Variants in RGS9BP observed in about 807,000 individuals in gnomAD.
RGS9BP encodes the protein regulator of G protein signaling 9-binding protein.
In RGS9BP, 1 loss-of-function variant was observed where a neutral mutation model predicts 3.8. That is an observed-to-expected ratio of 0.26 (90% CI 0.09 to 1.24). RGS9BP has a LOEUF of 1.24. Among genes scored for constraint, RGS9BP ranks in the 50% most tolerant of loss-of-function variants. The pLI is 0.48. For synonymous variants in RGS9BP, 200 were observed against 177.8 expected (o/e 1.13, Z -1.00); for missense variants, 363 against 344.3 (o/e 1.05, Z -0.43).
At position 32,676,158 on chromosome 19, in the gene RGS9BP, T is replaced by G; in HGVS notation, c.-106T>G. 1.4e-6 allele frequency: 1 copy of G among 719,540 alleles called. No individual in the cohort carries two copies. The highest frequency in any genetic ancestry group is 2.2e-6 in the Non-Finnish European group (1 of 454,490). The allele number at this position is 719,540 out of a possible 1,614,324, so 44.6% of individuals were successfully genotyped here. ...AGCGAGTCACGGACCATGAAGAGCG[T>G]TCGTGCCGCGCGGCCCAAGGCCGGG... is the stretch of plus-strand genomic sequence containing the variant. On this transcript the variant is annotated 5_prime_UTR_variant, in exon 1 of 1. Coordinates refer to ENST00000334176, the MANE Select transcript of RGS9BP (RefSeq NM_207391.3).
rs150936907 is a variant in RGS9BP at position 32,676,959 on chromosome 19, G to A, written c.696G>A (p.Ala232=). 0.019 allele frequency: 30,374 copies of A among 1,602,930 alleles called. 396 individuals are homozygous for A. Among genetic ancestry groups the A allele is most frequent in the Middle Eastern group, 0.029 (153 of 5,268 alleles). ...LAAVALAVCV[A]KLS is the part of the protein sequence containing the mutation. ...CTGTGGCCCTAGCCGTGTGCGTGGC[G>A]AAGCTGAGCTGACGGACACCCGACG... The change falls in exon 1 of 1, where the codon GCG becomes GCA. Residue 232 remains alanine (A), a synonymous_variant. Coordinates refer to ENST00000334176, the MANE Select transcript of RGS9BP (RefSeq NM_207391.3).
In RGS9BP at chr19:32,676,123, G is replaced by C. The variant is rs375628423; in HGVS notation, c.-141G>C. 8.6e-5 allele frequency: 51 copies of C among 592,684 alleles called. No individual in the cohort carries two copies. In the African/African-American group the frequency reaches 8.7e-4, roughly 10 times the overall value. The allele number at this position is 592,684 out of a possible 1,614,324, so 36.7% of individuals were successfully genotyped here. On this transcript the variant is annotated 5_prime_UTR_variant, in exon 1 of 1. Coordinates refer to ENST00000334176, the MANE Select transcript of RGS9BP (RefSeq NM_207391.3). The stretch of plus-strand genomic sequence containing the variant: ...CCGGGCGGGCTCCGTGGACGTTGGC[G>C]GTAGCGCCGAGCGAGTCACGGACCA...
In RGS9BP at chr19:32,676,641, G is replaced by A. The variant is rs1968008466; in HGVS notation, c.378G>A (p.Ala126=). The A allele has an allele frequency of 2.0e-6, 3 of 1,531,630 alleles. No individual in the cohort carries two copies. Among genetic ancestry groups the A allele is most frequent in the Non-Finnish European group, 2.6e-6 (3 of 1,144,744 alleles). 94.9% of individuals were successfully genotyped at this position (1,531,630 alleles called of 1,614,324 possible). The stretch of plus-strand genomic sequence containing the variant: ...CTGGCGCCTCCTCCGGCGTGGCGGC[G>A]CGCGCGCTGAGCACCCGCAGCCTGC... The part of the protein sequence containing the change: ...GVAGASSGVA[A]RALSTRSLRL... Residue 126 remains alanine, a synonymous_variant, in exon 1 of 1, where the codon GCG becomes GCA. Coordinates refer to ENST00000334176, the MANE Select transcript of RGS9BP (RefSeq NM_207391.3).
chr19:32,676,676 C>T lies in RGS9BP; in HGVS notation c.413C>T (p.Ala138Val). Reference sequence around the variant, plus strand: ...AGCACCCGCAGCCTGCGGCTCGAGGCGGAGGGCGACTTCGACGTCGCGGAC... The same window carrying T: ...AGCACCCGCAGCCTGCGGCTCGAGGTGGAGGGCGACTTCGACGTCGCGGAC... ...ALSTRSLRLE[A>V]EGDFDVADLR... Residue 138 changes from alanine (A) to valine (V), a missense_variant, in exon 1 of 1, where the codon GCG (alanine) becomes GTG (valine). Ala to Val is a moderately conservative substitution (Grantham distance 64, BLOSUM62 0). Coordinates refer to ENST00000334176, the MANE Select transcript of RGS9BP (RefSeq NM_207391.3). 6.5e-7 allele frequency: 1 copy of T among 1,535,120 alleles called. No homozygotes were observed. Among genetic ancestry groups the T allele is most frequent in the Non-Finnish European group, 8.7e-7 (1 of 1,146,540 alleles).
Position 32,677,035 on chromosome 19 carries a change from T to A in RGS9BP, c.*64T>A. Reference sequence around the variant, plus strand: ...CCTGAGAAAAGACTCGGGATGGGTGTGGGGTCTGGCCTGTGCAAGGGGAGT... The same window carrying A: ...CCTGAGAAAAGACTCGGGATGGGTGAGGGGTCTGGCCTGTGCAAGGGGAGT... On this transcript the variant is annotated 3_prime_UTR_variant, in exon 1 of 1. Transcript: ENST00000334176. 2 of 1,422,358 alleles carry A rather than the reference T, an allele frequency of 1.4e-6. No homozygotes were observed. The highest frequency in any genetic ancestry group is 1.9e-6 in the Non-Finnish European group (2 of 1,026,966). 88.1% of individuals were successfully genotyped at this position (1,422,358 alleles called of 1,614,324 possible).
Position 32,676,657 on chromosome 19 carries a change from CGCAGCCT to C in RGS9BP, c.397_403del (p.Ser133GlyfsTer26). On this transcript the variant is annotated frameshift_variant, in exon 1 of 1. Coordinates refer to ENST00000334176, the MANE Select transcript of RGS9BP (RefSeq NM_207391.3). LOFTEE classifies it high-confidence loss of function. Reference sequence around the variant, plus strand: ...CGTGGCGGCGCGCGCGCTGAGCACCCGCAGCCTGCGGCTCGAGGCGGAGGGCGACTTC... The same window carrying C: ...CGTGGCGGCGCGCGCGCTGAGCACCCGCGGCTCGAGGCGGAGGGCGACTTC... 1.3e-6 allele frequency: 2 copies of C among 1,534,132 alleles called. No individual in the cohort carries two copies. The highest frequency in any genetic ancestry group is 2.0e-5 in the Admixed American group (1 of 50,924).
rs1967993021 is a variant in RGS9BP at position 32,676,211 on chromosome 19, T to A, written c.-53T>A. 7.6e-7 allele frequency: 1 copy of A among 1,321,932 alleles called. No individual in the cohort carries two copies. 81.9% of individuals were successfully genotyped at this position (1,321,932 alleles called of 1,614,324 possible). ...GGGGGTTAGCCACATCCTGCCGCGC[T>A]GAGGGGGAGGCTAACGGGCGCGGGC... On this transcript the variant is annotated 5_prime_UTR_variant, in exon 1 of 1. It removes the in-frame stop codon of an upstream open reading frame in the 5' UTR. Transcript: ENST00000334176.
Position 32,677,066 on chromosome 19 carries a change from T to C in RGS9BP, c.*95T>C. 1 of 1,091,764 alleles carries C rather than the reference T, an allele frequency of 9.2e-7. No individual in the cohort carries two copies. The allele number at this position is 1,091,764 out of a possible 1,614,324, so 67.6% of individuals were successfully genotyped here. A position where few individuals can be genotyped will look rare whatever the true frequency, so the allele number is the denominator to read the frequency against. ...CTGGCCTGTGCAAGGGGAGTGGTCC[T>C]AAAACCCCGTGTGTGCATGGGTACA... On this transcript the variant is annotated 3_prime_UTR_variant, in exon 1 of 1. Coordinates refer to ENST00000334176, the MANE Select transcript of RGS9BP (RefSeq NM_207391.3).
At position 32,676,902 on chromosome 19, in the gene RGS9BP, C is replaced by T; in HGVS notation, c.639C>T (p.Ala213=). 6.2e-7 allele frequency: 1 copy of T among 1,600,042 alleles called. No homozygotes were observed. Among genetic ancestry groups the T allele is most frequent in the South Asian group, 1.1e-5 (1 of 90,242 alleles). The change falls in exon 1 of 1, where the codon GCC becomes GCT. Residue 213 remains alanine (A), a synonymous_variant. Transcript: ENST00000334176. The part of the protein sequence containing the change: ...GGGCDPRKAL[A]AILFGAVLLA... The stretch of plus-strand genomic sequence containing the variant: ...GTTGCGACCCCAGGAAGGCCCTGGC[C>T]GCCATCCTTTTCGGCGCCGTGCTGC...
rs1404524341 is a variant in RGS9BP, at chr19:32,676,402, G to T, written c.139G>T (p.Ala47Ser). 6 of 1,607,774 alleles carry T rather than the reference G, an allele frequency of 3.7e-6. No individual in the cohort carries two copies. Among genetic ancestry groups the T allele is most frequent in the African/African-American group, 1.3e-5 (1 of 74,820 alleles). ...RQELQKTRQK[A>S]QELAVSTCAR... ...GGAGCTGCAAAAGACGCGCCAGAAG[G>T]CGCAGGAGCTGGCGGTGTCCACCTG... Residue 47 changes from alanine (A) to serine (S), a missense_variant, in exon 1 of 1, where the codon GCG (alanine) becomes TCG (serine). Coordinates refer to ENST00000334176, the MANE Select transcript of RGS9BP (RefSeq NM_207391.3).
At position 32,677,019 on chromosome 19, in the gene RGS9BP, A is replaced by T; in HGVS notation, c.*48A>T. On this transcript the variant is annotated 3_prime_UTR_variant, in exon 1 of 1. Transcript: ENST00000334176. ...TGCTGCCGCTCCCTCCCCTGAGAAA[A>T]GACTCGGGATGGGTGTGGGGTCTGG... The T allele has an allele frequency of 6.6e-7, 1 of 1,511,420 alleles. No individual in the cohort carries two copies. Among genetic ancestry groups the T allele is most frequent in the Non-Finnish European group, 9.1e-7 (1 of 1,104,748 alleles). The allele number at this position is 1,511,420 out of a possible 1,614,324, so 93.6% of individuals were successfully genotyped here.
In RGS9BP at chr19:32,676,853, T is replaced by A. The variant is rs780100049; in HGVS notation, c.590T>A (p.Val197Glu). The A allele has an allele frequency of 6.3e-7, 1 of 1,591,876 alleles. No individual in the cohort carries two copies. The highest frequency in any genetic ancestry group is 1.7e-5 in the Admixed American group (1 of 58,530). ...STVSAGPSSV[V>E]SLQERGGGCD... Reference sequence around the variant, plus strand: ...GTCAGCGCCGGCCCCTCCTCGGTCGTGTCCTTGCAGGAGCGCGGGGGGGGT... The same window carrying A: ...GTCAGCGCCGGCCCCTCCTCGGTCGAGTCCTTGCAGGAGCGCGGGGGGGGT... Residue 197 changes from valine (V) to glutamate (E), a missense_variant, in exon 1 of 1, where the codon GTG becomes GAG. Physicochemically the swap from Val to Glu is moderately radical, Grantham distance 121. Coordinates refer to ENST00000334176, the MANE Select transcript of RGS9BP (RefSeq NM_207391.3).
rs770996243 is a variant in RGS9BP at position 32,676,393 on chromosome 19, C to G, written c.130C>G (p.Arg44Gly). 1.9e-6 allele frequency: 3 copies of G among 1,608,932 alleles called. No individual in the cohort carries two copies. The highest frequency in any genetic ancestry group is 2.5e-6 in the Non-Finnish European group (3 of 1,179,104). The change falls in exon 1 of 1, where the codon CGC becomes GGC. Residue 44 changes from arginine (R) to glycine (G), a missense_variant. Transcript: ENST00000334176. ...CCTGCGGCAGGAGCTGCAAAAGACGCGCCAGAAGGCGCAGGAGCTGGCGGT... is the reference window on the plus strand; with the variant it reads ...CCTGCGGCAGGAGCTGCAAAAGACGGGCCAGAAGGCGCAGGAGCTGGCGGT... ...QNLRQELQKT[R>G]QKAQELAVST...
rs973365345 is a variant in RGS9BP at position 32,676,006 on chromosome 19, G to A, written c.-258G>A. 9 of 481,248 alleles carry A rather than the reference G, an allele frequency of 1.9e-5. No individual in the cohort carries two copies. Among genetic ancestry groups the A allele is most frequent in the Non-Finnish European group, 3.3e-5 (9 of 272,824 alleles). 29.8% of individuals were successfully genotyped at this position (481,248 alleles called of 1,614,324 possible). On this transcript the variant is annotated 5_prime_UTR_variant, in exon 1 of 1. Coordinates refer to ENST00000334176, the MANE Select transcript of RGS9BP (RefSeq NM_207391.3). ...GTGCAGAGACACGACGTGTGACTCG[G>A]AGTGCGCCTGGGGAGGATGGACGAG...
Position 32,677,657 on chromosome 19 carries a change from G to T in RGS9BP, c.*686G>T, listed in dbSNP as rs1433248476. ...GGCTGACCCTATTTAGGAAACCAAA[G>T]AGGGTGGGTTGAACCTACTCTCACG... is the stretch of plus-strand genomic sequence containing the variant. On this transcript the variant is annotated 3_prime_UTR_variant, in exon 1 of 1. Coordinates refer to ENST00000334176, the MANE Select transcript of RGS9BP (RefSeq NM_207391.3). 1 of 167,094 alleles carries T rather than the reference G, an allele frequency of 6.0e-6. No homozygotes were observed. The highest frequency in any genetic ancestry group is 2.4e-5 in the African/African-American group (1 of 41,454). The allele number at this position is 167,094 out of a possible 1,614,324, so 10.4% of individuals were successfully genotyped here.
Position 32,676,543 on chromosome 19 carries a change from C to G in RGS9BP, c.280C>G (p.Arg94Gly). The G allele has an allele frequency of 6.7e-7, 1 of 1,486,538 alleles. No homozygotes were observed. The highest frequency in any genetic ancestry group is 8.9e-7 in the Non-Finnish European group (1 of 1,126,774). 92.1% of individuals were successfully genotyped at this position (1,486,538 alleles called of 1,614,324 possible). The change falls in exon 1 of 1, where the codon CGA (arginine) becomes GGA (glycine). Residue 94 changes from arginine (R) to glycine (G), a missense_variant. Physicochemically the swap from Arg to Gly is moderately radical, Grantham distance 125 (BLOSUM62 -2). Coordinates refer to ENST00000334176, the MANE Select transcript of RGS9BP (RefSeq NM_207391.3). ...GCLDLLEADM[R>G]RALELGAAFP... The stretch of plus-strand genomic sequence containing the variant: ...CCTGGACCTGCTGGAAGCGGACATG[C>G]GACGCGCGCTGGAGCTGGGCGCCGC...
chr19:32,676,290 G>T lies in RGS9BP; in HGVS notation c.27G>T (p.Leu9=), dbSNP rs772345669. The T allele has an allele frequency of 4.4e-6, 7 of 1,600,990 alleles. No homozygotes were observed. In the East Asian group the frequency reaches 1.6e-4, roughly 36 times the overall value. ...TGGCGAGGGAGGAGTGCAAGGCGCT[G>T]CTGGACGGGCTCAACAAGACGACTG... is the stretch of plus-strand genomic sequence containing the variant. The part of the protein sequence containing the change: MAREECKA[L]LDGLNKTTAC... Residue 9 remains leucine, a synonymous_variant, in exon 1 of 1, where the codon CTG becomes CTT. Transcript: ENST00000334176.
chr19:32,676,638 GGC>G lies in RGS9BP; in HGVS notation c.384_385del (p.Leu129GlufsTer170). ...GVAGASSGVA[A>X]RALSTRSLRL... ...TGGCTGGCGCCTCCTCCGGCGTGGC[GGC>G]GCGCGCGCTGAGCACCCGCAGCCTG... On this transcript the variant is annotated frameshift_variant, in exon 1 of 1. Transcript: ENST00000334176. LOFTEE classifies it low-confidence loss of function (END_TRUNC). 1 of 1,531,528 alleles carries G rather than the reference GGC, an allele frequency of 6.5e-7. No individual in the cohort carries two copies. The highest frequency in any genetic ancestry group is 8.7e-7 in the Non-Finnish European group (1 of 1,144,632). 94.9% of individuals were successfully genotyped at this position (1,531,528 alleles called of 1,614,324 possible). A position where few individuals can be genotyped will look rare whatever the true frequency, so the allele number is the denominator to read the frequency against.
rs1967992228 is a variant in RGS9BP at position 32,676,187 on chromosome 19, G to A, written c.-77G>A. On this transcript the variant is annotated 5_prime_UTR_variant, in exon 1 of 1. Transcript: ENST00000334176. ...TGCCGCGCGGCCCAAGGCCGGGATG[G>A]GGGTTAGCCACATCCTGCCGCGCTG... 2 of 1,007,916 alleles carry A rather than the reference G, an allele frequency of 2.0e-6. No individual in the cohort carries two copies. 62.4% of individuals were successfully genotyped at this position (1,007,916 alleles called of 1,614,324 possible). A position where few individuals can be genotyped will look rare whatever the true frequency, so the allele number is the denominator to read the frequency against.
Sources: allele counts gnomAD v4.1 joint callset, GRCh38; gene constraint gnomAD v4.1.1; transcripts MANE v1.5; gene names NCBI Gene and HGNC (gene_info 2026-07-23, HGNC 2026-07-21).